The following ANKRD34C variants were observed in gnomAD, a reference collection of about 807,000 sequenced individuals.
ANKRD34C encodes ankyrin repeat domain 34C.
For synonymous variants in ANKRD34C, 260 were observed against 253.6 expected, an observed-to-expected ratio of 1.03 and a Z score of -0.24; for missense variants, 563 against 653.0, an observed-to-expected ratio of 0.86 and a Z score of 1.50.
rs57862240 is a variant in ANKRD34C at position 79,289,066 on chromosome 15, C to T, written c.-44-4175C>T. Among the ~76,000 whole-genome samples the T allele has an allele frequency of 9.7e-3, 1,477 of 152,152 alleles. 25 individuals carry two copies. The highest frequency in any genetic ancestry group is 0.034 in the African/African-American group (1,395 of 41,514). On this transcript the variant is annotated intron_variant, in intron 1 of 1. Transcript: ENST00000421388. ...AACTCCTGACCTCAGGTGATCCACCCGCCTTGGCCTCCCAAAGTGCTGGGA... is the reference window on the plus strand; with the variant it reads ...AACTCCTGACCTCAGGTGATCCACCTGCCTTGGCCTCCCAAAGTGCTGGGA...
At chr15:79,284,338 A>C (rs2058637583) in intron 1 of ANKRD34C, among the ~76,000 whole-genome samples, 1 of 152,238 alleles carries the variant, frequency 6.6e-6, no homozygotes, top group African/African-American at 2.4e-5. Flanking sequence ...ACAGAGTTTA[A>C]ATCAAAGCTG....
In ANKRD34C at chr15:79,297,070, T is replaced by C. The variant is rs1750645421; in HGVS notation, c.*2178T>C. The C allele has an allele frequency of 6.0e-6, 1 of 167,078 alleles. No homozygotes were observed. Among genetic ancestry groups the C allele is most frequent in the South Asian group, 2.1e-4 (1 of 4,828 alleles). The allele number at this position is 167,078 out of a possible 1,614,324, so 10.3% of individuals were successfully genotyped here. A position where few individuals can be genotyped will look rare whatever the true frequency, so the allele number is the denominator to read the frequency against. ...AAGGGAAGAAAATAAGGAAAGCACATAAACTAGCAAAAATCTATAGCTCAT... is the reference window on the plus strand; with the variant it reads ...AAGGGAAGAAAATAAGGAAAGCACACAAACTAGCAAAAATCTATAGCTCAT... On this transcript the variant is annotated 3_prime_UTR_variant, in exon 2 of 2. Transcript: ENST00000421388.
Position 79,294,373 on chromosome 15 carries a change from C to T in ANKRD34C, c.1089C>T (p.Pro363=). 1.3e-6 allele frequency: 2 copies of T among 1,551,596 alleles called. No homozygotes were observed. The highest frequency in any genetic ancestry group is 1.7e-6 in the Non-Finnish European group (2 of 1,146,960). The change falls in exon 2 of 2, where the codon CCC becomes CCT. Residue 363 remains proline (P), a synonymous_variant. Coordinates refer to ENST00000421388, the MANE Select transcript of ANKRD34C (RefSeq NM_001146341.2). Reference sequence around the variant, plus strand: ...AATGTGGTATGGGTCCATCAGGACCCTCTGCTCTCAAAGAGCCTGCATCCC... The same window carrying T: ...AATGTGGTATGGGTCCATCAGGACCTTCTGCTCTCAAAGAGCCTGCATCCC... The part of the protein sequence containing the change: ...QEKCGMGPSG[P]SALKEPASLK...
chr15:79,287,162 A>T (rs955893301), intron 1 of ANKRD34C, among the ~76,000 whole-genome samples: 1 of 152,170 alleles, frequency 6.6e-6, no homozygotes, highest in Non-Finnish European at 1.5e-5. Flanking sequence ...CACTACAGTT[A>T]TGTCATGTAG....
intron 1 of ANKRD34C, among the ~76,000 whole-genome samples, chr15:79,286,486 C>A (rs2141200220): frequency 6.6e-6 from 1 of 152,294 alleles, no homozygotes; most frequent in East Asian, 1.9e-4. Context: ...TCTTGTAAAT[C>A]ATTTAATATT....
intron 1 of ANKRD34C, 32 bp from the exon 2 acceptor site, chr15:79,293,209 A>G: frequency 1.4e-6 from 2 of 1,384,594 alleles, no homozygotes; most frequent in South Asian, 3.0e-5. Flanking sequence ...TATAAAACAT[A>G]TAACATTTGT....
At position 79,296,819 on chromosome 15, in the gene ANKRD34C, G is replaced by C. The variant is rs1022692236; in HGVS notation, c.*1927G>C. On this transcript the variant is annotated 3_prime_UTR_variant, in exon 2 of 2. Coordinates refer to ENST00000421388, the MANE Select transcript of ANKRD34C (RefSeq NM_001146341.2). Reference sequence around the variant, plus strand: ...TCTAGACGTGGCCAGATGTCTCCTGGGTGCATCACCTTCGTTGATCTCTAC... The same window carrying C: ...TCTAGACGTGGCCAGATGTCTCCTGCGTGCATCACCTTCGTTGATCTCTAC... 1.2e-5 allele frequency: 2 copies of C among 167,044 alleles called. No individual in the cohort carries two copies. The highest frequency in any genetic ancestry group is 2.4e-5 in the African/African-American group (1 of 41,416). The allele number at this position is 167,044 out of a possible 1,614,324, so 10.3% of individuals were successfully genotyped here.
In ANKRD34C at chr15:79,294,384, A is replaced by T; in HGVS notation, c.1100A>T (p.Lys367Ile). The change falls in exon 2 of 2, where the codon AAA becomes ATA. Residue 367 changes from lysine to isoleucine, a missense_variant. By Grantham distance (102) the Lys-to-Ile change is moderately radical (BLOSUM62 -3). Coordinates refer to ENST00000421388, the MANE Select transcript of ANKRD34C (RefSeq NM_001146341.2). Reference sequence around the variant, plus strand: ...GGTCCATCAGGACCCTCTGCTCTCAAAGAGCCTGCATCCCTCAAATGGCTG... The same window carrying T: ...GGTCCATCAGGACCCTCTGCTCTCATAGAGCCTGCATCCCTCAAATGGCTG... ...GMGPSGPSAL[K>I]EPASLKWLEN... 1 of 1,551,530 alleles carries T rather than the reference A, an allele frequency of 6.4e-7. No homozygotes were observed. The highest frequency in any genetic ancestry group is 8.7e-7 in the Non-Finnish European group (1 of 1,146,940).
rs1008903081 is a variant in ANKRD34C, at chr15:79,282,876, A to T, written c.-397A>T. Reference sequence around the variant, plus strand: ...CAGCGCGGAACCGGGGGCGATTCCTATCTTTCTTTCATGCTTCTTTCTTTT... The same window carrying T: ...CAGCGCGGAACCGGGGGCGATTCCTTTCTTTCTTTCATGCTTCTTTCTTTT... On this transcript the variant is annotated 5_prime_UTR_variant, in exon 1 of 2. Transcript: ENST00000421388. Among the ~76,000 whole-genome samples the T allele has an allele frequency of 6.6e-6, 1 of 152,224 alleles. No individual in the cohort carries two copies. The highest frequency in any genetic ancestry group is 2.1e-4 in the South Asian group (1 of 4,832).
At position 79,296,397 on chromosome 15, in the gene ANKRD34C, A is replaced by C. The variant is rs1296299849; in HGVS notation, c.*1505A>C. The C allele has an allele frequency of 1.8e-5, 3 of 167,134 alleles. No individual in the cohort carries two copies. The highest frequency in any genetic ancestry group is 4.4e-5 in the Non-Finnish European group (3 of 68,136). The allele number at this position is 167,134 out of a possible 1,614,324, so 10.4% of individuals were successfully genotyped here. On this transcript the variant is annotated 3_prime_UTR_variant, in exon 2 of 2. Transcript: ENST00000421388. ...GCACAGGTAGAAGTCACTGGATAAG[A>C]AGTAGCTAATTTTAATGTATTTCTT...
At chr15:79,288,841 T>C (rs150282902) in intron 1 of ANKRD34C, among the ~76,000 whole-genome samples, 5,271 of 139,264 alleles carry the variant, frequency 0.038, 135 homozygotes, top group Non-Finnish European at 0.061. Flanking sequence ...TTTTTTTGAG[T>C]TGGAGTTTTG....
Position 79,293,276 on chromosome 15 carries a change from G to A in ANKRD34C, c.-9G>A. The A allele has an allele frequency of 2.0e-6, 3 of 1,499,964 alleles. No individual in the cohort carries two copies. The highest frequency in any genetic ancestry group is 2.7e-6 in the Non-Finnish European group (3 of 1,123,202). 92.9% of individuals were successfully genotyped at this position (1,499,964 alleles called of 1,614,324 possible). On this transcript the variant is annotated 5_prime_UTR_variant, in exon 2 of 2. Coordinates refer to ENST00000421388, the MANE Select transcript of ANKRD34C (RefSeq NM_001146341.2). ...TACTGTGGCTCAGGTCCTCTAAACT[G>A]TAGCCAATATGATGGATGATGACAC...
rs1410785595 is a variant in ANKRD34C, at chr15:79,291,597, C to CAGAG, written c.-44-1643_-44-1642insGAGA. On this transcript the variant is annotated intron_variant, in intron 1 of 1. Transcript: ENST00000421388. ...ACACACACACACACACACACACACA[C>CAGAG]ACACAGAGAGAGAGAGAGAGAGAGA... Among the ~76,000 whole-genome samples the CAGAG allele has an allele frequency of 2.9e-4, 32 of 111,652 alleles. No homozygotes were observed. The East Asian group carries it at 8.1e-3, about 28-fold the overall frequency. The allele number at this position is 111,652 out of a possible 152,430, so 73.2% of individuals were successfully genotyped here. A position where few individuals can be genotyped will look rare whatever the true frequency, so the allele number is the denominator to read the frequency against.
At chr15:79,293,130 T>C (rs931751734) in intron 1 of ANKRD34C, among the ~76,000 whole-genome samples, 111 bp from the exon 2 acceptor site, 4 of 152,178 alleles carry the variant, frequency 2.6e-5, no homozygotes, top group Non-Finnish European at 5.9e-5. Context: ...GCCAAGTCAA[T>C]GTAAGTTGGG....
chr15:79,293,146 G>A lies in ANKRD34C; in HGVS notation c.-44-95G>A, dbSNP rs541552862. The A allele has an allele frequency of 1.2e-5, 11 of 904,888 alleles. No individual in the cohort carries two copies. The East Asian group carries it at 1.4e-4, about 11-fold the overall frequency. The allele number at this position is 904,888 out of a possible 1,614,324, so 56.1% of individuals were successfully genotyped here. A position where few individuals can be genotyped will look rare whatever the true frequency, so the allele number is the denominator to read the frequency against. On this transcript the variant is annotated intron_variant, in intron 1 of 1. Coordinates refer to ENST00000421388, the MANE Select transcript of ANKRD34C (RefSeq NM_001146341.2). ...CCAAGTCAATGTAAGTTGGGATCAG[G>A]TTGGGATATGACTGTACCCAGACCC... is the stretch of plus-strand genomic sequence containing the variant.
chr15:79,284,655 T>C (rs2058638411), intron 1 of ANKRD34C, among the ~76,000 whole-genome samples: 1 of 152,156 alleles, frequency 6.6e-6, no homozygotes, highest in Admixed American at 6.5e-5. Flanking sequence ...CTTAGTTCAG[T>C]GTGTAATAGC....
In ANKRD34C at chr15:79,294,712, T is replaced by C; in HGVS notation, c.1428T>C (p.Asp476=). ...LNVNLNPPIP[D]IRSSSKPSCS... is the part of the protein sequence containing the mutation. Reference sequence around the variant, plus strand: ...TGAATCTGAACCCGCCTATTCCAGATATTAGATCTAGCAGCAAACCTTCTT... The same window carrying C: ...TGAATCTGAACCCGCCTATTCCAGACATTAGATCTAGCAGCAAACCTTCTT... The change falls in exon 2 of 2, where the codon GAT becomes GAC. Residue 476 remains aspartate (D), a synonymous_variant. Coordinates refer to ENST00000421388, the MANE Select transcript of ANKRD34C (RefSeq NM_001146341.2). 1 of 1,551,764 alleles carries C rather than the reference T, an allele frequency of 6.4e-7. No individual in the cohort carries two copies. Among genetic ancestry groups the C allele is most frequent in the Non-Finnish European group, 8.7e-7 (1 of 1,147,006 alleles).
intron 1 of ANKRD34C, among the ~76,000 whole-genome samples, chr15:79,292,335 A>G (rs1330386135): frequency 2.0e-5 from 3 of 152,208 alleles, no homozygotes; most frequent in African/African-American, 7.2e-5. Context: ...TGAGTCCGGG[A>G]ATTAGGGAAC....
At chr15:79,292,079 G>A (rs1288624201) in intron 1 of ANKRD34C, among the ~76,000 whole-genome samples, 1 of 152,190 alleles carries the variant, frequency 6.6e-6, no homozygotes, top group Non-Finnish European at 1.5e-5. Flanking sequence ...AACTGCTCAG[G>A]CAAATAGCGT....
Sources: gnomAD v4.1 joint callset for allele counts (sites outside exome capture counted in the v4.1 genomes callset) on GRCh38, gnomAD v4.1.1 for gene constraint, MANE v1.5 for transcripts, NCBI Gene and HGNC (gene_info 2026-07-23, HGNC 2026-07-21) for gene names.